The following SPTBN4 variants were observed in gnomAD, a reference collection of about 807,000 sequenced individuals.
SPTBN4 encodes the protein spectrin beta chain, non-erythrocytic 4.
A neutral mutation model predicts 277.8 loss-of-function variants in SPTBN4; 96 were observed. The ratio of observed to expected loss-of-function variants is 0.35; its 90% CI spans 0.29 to 0.41. The LOEUF (loss-of-function observed/expected upper bound fraction) is 0.41, where lower values mean the gene tolerates loss of function less well. Among genes scored for constraint, SPTBN4 ranks in the 10% least tolerant of loss-of-function variants. The pLI, the probability that SPTBN4 is intolerant of heterozygous loss-of-function variation, is 1.00. For missense variants in SPTBN4, 3,006 were observed against 3,595.7 expected (o/e 0.84, Z 4.19); for synonymous variants, 1,481 against 1,580.3 (o/e 0.94, Z 1.49).
chr19:40,541,409 G>T (rs1488511080), intron 20 of SPTBN4, among the ~76,000 whole-genome samples: 1 of 152,224 alleles, frequency 6.6e-6, no homozygotes, highest in East Asian at 1.9e-4. Context: ...AAGTGACTGT[G>T]TGGGCCAGGG....
intron 4 of SPTBN4, among the ~76,000 whole-genome samples, 199 bp from the exon 5 acceptor site, chr19:40,492,764 T>A (rs2080153399): frequency 6.6e-6 from 1 of 151,964 alleles, no homozygotes; most frequent in African/African-American, 2.4e-5. Flanking sequence ...GAGACCGAAG[T>A]CCTAACTGAT....
intron 20 of SPTBN4, among the ~76,000 whole-genome samples, chr19:40,545,262 AT>A (rs1391215245): frequency 1.1e-4 from 16 of 150,604 alleles, no homozygotes; most frequent in Admixed American, 8.6e-4. Context: ...CGCCTAGCTA[AT>A]TTTTGTATTT....
At chr19:40,556,012 G>T in intron 24 of SPTBN4, 72 bp from the exon 25 acceptor site, 4 of 1,375,344 alleles carry the variant, frequency 2.9e-6, no homozygotes, top group Non-Finnish European at 4.0e-6. Flanking sequence ...CCTGGGGAGG[G>T]GGTTTAGGGG....
Position 40,512,670 on chromosome 19 carries a change from G to T in SPTBN4, c.1881G>T (p.Ala627=). Residue 627 remains alanine (A), a synonymous_variant, in exon 14 of 36, where the codon GCG becomes GCT. Coordinates refer to ENST00000598249, the MANE Select transcript of SPTBN4 (RefSeq NM_020971.3). ...TGAACCACGTGCACGGCTGCCTGGC[G>T]GAGCTGCAGGAGCAGGCAGCGCGGC... The part of the protein sequence containing the change: ...NRVNHVHGCL[A]ELQEQAARRR... 1 of 1,533,670 alleles carries T rather than the reference G, an allele frequency of 6.5e-7. No homozygotes were observed. Among genetic ancestry groups the T allele is most frequent in the South Asian group, 1.2e-5 (1 of 84,348 alleles).
intron 27 of SPTBN4, among the ~76,000 whole-genome samples, chr19:40,563,772 C>T (rs1165679384): frequency 8.0e-6 from 1 of 125,678 alleles, no homozygotes; most frequent in African/African-American, 3.1e-5. Flanking sequence ...GGCGCAGTGG[C>T]TCATGCCTGT....
intron 12 of SPTBN4, 81 bp downstream of exon 12, chr19:40,504,213 C>A: frequency 7.0e-7 from 1 of 1,430,226 alleles, no homozygotes. Flanking sequence ...TGTCAGACAG[C>A]TGGAGATGGA....
rs900155104 is a variant in SPTBN4, at chr19:40,567,833, G to C, written c.6507G>C (p.Ser2169=). 113 of 1,522,256 alleles carry C rather than the reference G, an allele frequency of 7.4e-5. No individual in the cohort carries two copies. Among genetic ancestry groups the C allele is most frequent in the Non-Finnish European group, 9.9e-5 (112 of 1,134,148 alleles). The allele number at this position is 1,522,256 out of a possible 1,614,324, so 94.3% of individuals were successfully genotyped here. A position where few individuals can be genotyped will look rare whatever the true frequency, so the allele number is the denominator to read the frequency against. ...PLARRASDTL[S]AEVRTRVGYV... is the part of the protein sequence containing the mutation. ...CCCGCCGAGCCTCGGACACGCTCTCGGCCGAGGTGCGGACTCGGGTGGGGT... is the reference window on the plus strand; with the variant it reads ...CCCGCCGAGCCTCGGACACGCTCTCCGCCGAGGTGCGGACTCGGGTGGGGT... The change falls in exon 31 of 36, where the codon TCG becomes TCC. Residue 2169 remains serine (S), a synonymous_variant. Coordinates refer to ENST00000598249, the MANE Select transcript of SPTBN4 (RefSeq NM_020971.3).
At chr19:40,508,406 G>A (rs1336126432) in intron 13 of SPTBN4, among the ~76,000 whole-genome samples, 2 of 152,220 alleles carry the variant, frequency 1.3e-5, no homozygotes, top group South Asian at 2.1e-4. Flanking sequence ...ATGATGGGGG[G>A]CTAGGCGCGG....
rs77974556 is a variant in SPTBN4 at position 40,484,430 on chromosome 19, G to A, written c.170-3267G>A. ...AACAAATCGACTTCACAGTACAGTG[G>A]CTTAATGGAGAAGCTATTTCTCCCT... On this transcript the variant is annotated intron_variant, in intron 2 of 35. Coordinates refer to ENST00000598249, the MANE Select transcript of SPTBN4 (RefSeq NM_020971.3). Among the ~76,000 whole-genome samples the A allele has an allele frequency of 5.1e-3, 777 of 152,262 alleles. 4 individuals carry two copies. The highest frequency in any genetic ancestry group is 0.017 in the African/African-American group (725 of 41,554).
chr19:40,520,209 C>G, intron 16 of SPTBN4, 58 bp downstream of exon 16: 3 of 1,273,080 alleles, frequency 2.4e-6, no homozygotes, highest in South Asian at 2.7e-5. Context: ...GGGGGGATTG[C>G]AGGGACAGGG....
chr19:40,485,482 G>T (rs985530093), intron 2 of SPTBN4, among the ~76,000 whole-genome samples: 1 of 152,060 alleles, frequency 6.6e-6, no homozygotes, highest in Non-Finnish European at 1.5e-5. Flanking sequence ...ACATTCATAG[G>T]AAGTCGCAAA....
In SPTBN4 at chr19:40,502,464, T is replaced by C. The variant is rs1330006608; in HGVS notation, c.1160T>C (p.Leu387Pro). 2 of 1,613,586 alleles carry C rather than the reference T, an allele frequency of 1.2e-6. No individual in the cohort carries two copies. Among genetic ancestry groups the C allele is most frequent in the Non-Finnish European group, 8.5e-7 (1 of 1,179,946 alleles). Residue 387 changes from leucine to proline, a missense_variant, in exon 10 of 36, where the codon CTC becomes CCC. Transcript: ENST00000598249. The surrounding 1 kb of genome is among the most constrained non-coding windows in gnomAD (Gnocchi z 4.9). Reference protein sequence around the residue: ...QSKLRACNRRLFVPREGCGIW... With the variant: ...QSKLRACNRRPFVPREGCGIW... ...AAACTGCGTGCCTGCAACCGTCGCCTCTTTGTGCCTCGGGAGGGCTGTGGC... is the reference window on the plus strand; with the variant it reads ...AAACTGCGTGCCTGCAACCGTCGCCCCTTTGTGCCTCGGGAGGGCTGTGGC...
chr19:40,539,449 A>C (rs1421147647), intron 20 of SPTBN4, among the ~76,000 whole-genome samples: 1 of 152,198 alleles, frequency 6.6e-6, no homozygotes, highest in Non-Finnish European at 1.5e-5. Context: ...GGATAGCCCA[A>C]GGAGGTTACT....
chr19:40,568,012 C>A lies in SPTBN4; in HGVS notation c.6686C>A (p.Pro2229Gln). The A allele has an allele frequency of 6.5e-7, 1 of 1,535,866 alleles. No homozygotes were observed. Among genetic ancestry groups the A allele is most frequent in the African/African-American group, 1.4e-5 (1 of 71,188 alleles). The change falls in exon 31 of 36, where the codon CCA (proline) becomes CAA (glutamine). Residue 2229 changes from proline to glutamine, a missense_variant. Around this residue, in one of 5 missense-constraint regions of SPTBN4, gnomAD observed 630 missense variants for 677.6 expected, o/e 0.93. Coordinates refer to ENST00000598249, the MANE Select transcript of SPTBN4 (RefSeq NM_020971.3). ...ATPAAAEQVR[P>Q]RPERQESADR... ...CCCGCGGCGGCGGAGCAGGTGCGGC[C>A]ACGACCGGAGCGCCAGGAGTCAGCT...
At position 40,550,896 on chromosome 19, in the gene SPTBN4, G is replaced by A. The variant is rs192667102; in HGVS notation, c.4674+569G>A. On this transcript the variant is annotated intron_variant, in intron 22 of 35. Coordinates refer to ENST00000598249, the MANE Select transcript of SPTBN4 (RefSeq NM_020971.3). ...GATAAAAGGCCTCCAGTGGATTCAG[G>A]TTTACCTCCCACCAGCAAAACTGAA... Among the ~76,000 whole-genome samples, 231 of 152,256 alleles carry A rather than the reference G, an allele frequency of 1.5e-3. 1 individual carries two copies. The highest frequency in any genetic ancestry group is 0.01 in the Middle Eastern group (3 of 294).
At chr19:40,516,913 T>C (rs2080467336) in intron 15 of SPTBN4, among the ~76,000 whole-genome samples, 1 of 152,198 alleles carries the variant, frequency 6.6e-6, no homozygotes. Context: ...CAGTGTAAGC[T>C]ACTGCTCCTA....
intron 2 of SPTBN4, among the ~76,000 whole-genome samples, chr19:40,478,358 C>A (rs1463704006): frequency 6.6e-6 from 1 of 150,864 alleles, no homozygotes; most frequent in Non-Finnish European, 1.5e-5. Context: ...GGCAACAAAG[C>A]AAGATCCTGT....
chr19:40,533,692 T>TATCCTTGTCTTTCTTACGGTCC (rs2080703492), intron 19 of SPTBN4, among the ~76,000 whole-genome samples: 1 of 152,086 alleles, frequency 6.6e-6, no homozygotes, highest in African/African-American at 2.4e-5. Flanking sequence ...TCTATCCCTC[T>TATCCTTGTCTTTCTTACGGTCC]ATCCTTGTCT....
rs141129376 is a variant in SPTBN4 at position 40,484,161 on chromosome 19, A to G, written c.170-3536A>G. 3.2e-3 allele frequency among the ~76,000 whole-genome samples: 482 copies of G among 152,202 alleles called. 5 individuals carry two copies. The highest frequency in any genetic ancestry group is 0.011 in the African/African-American group (465 of 41,530). ...CTGTTGTACTGATATCAAATACTAG[A>G]TCTTACTCATTCTTTCCATATTTTG... On this transcript the variant is annotated intron_variant, in intron 2 of 35. Transcript: ENST00000598249.
Sources: allele counts gnomAD v4.1 joint callset (sites outside exome capture counted in the v4.1 genomes callset), GRCh38; gene constraint gnomAD v4.1.1; regional missense constraint gnomAD v4.1.1; non-coding constraint Gnocchi (gnomAD v3.1); transcripts MANE v1.5; gene names NCBI Gene and HGNC (gene_info 2026-07-23, HGNC 2026-07-21).